The following ASTN2 variants were observed in gnomAD, a reference collection of about 807,000 sequenced individuals.
ASTN2 encodes astrotactin-2.
Under a neutral mutation model 139.8 loss-of-function variants are expected in ASTN2, and 54 were observed. That is an observed-to-expected ratio of 0.39 (90% CI 0.31 to 0.48). The LOEUF (loss-of-function observed/expected upper bound fraction) is 0.48. Ranked by LOEUF, ASTN2 falls within the 20% of genes least tolerant of loss-of-function variation. The pLI is 0.95. For missense variants in ASTN2, 1,565 were observed against 1,725.1 expected (o/e 0.91, Z 1.64); for synonymous variants, 756 against 719.5 (o/e 1.05, Z -0.81).
chr9:116,747,079 T>C (rs905290976), intron 13 of ASTN2, among the ~76,000 whole-genome samples: 1 of 152,212 alleles, frequency 6.6e-6, no homozygotes, highest in Non-Finnish European at 1.5e-5. Context: ...TCCCTAGATA[T>C]CTAGCACACA....
intron 20 of ASTN2, among the ~76,000 whole-genome samples, chr9:116,451,106 C>T (rs1848159745): frequency 6.6e-6 from 1 of 152,088 alleles, no homozygotes; most frequent in African/African-American, 2.4e-5. Flanking sequence ...GTAGGAAGGC[C>T]AAGTCTGGAA....
At chr9:117,118,128 T>C (rs904288831) in intron 4 of ASTN2, among the ~76,000 whole-genome samples, 4 of 152,324 alleles carry the variant, frequency 2.6e-5, no homozygotes, top group Admixed American at 2.0e-4. Flanking sequence ...CTATCAGTGT[T>C]GTCATGCGGG....
At chr9:117,018,867 T>G (rs76465543) in intron 6 of ASTN2, among the ~76,000 whole-genome samples, 3,966 of 152,230 alleles carry the variant, frequency 0.026, 68 homozygotes, top group Non-Finnish European at 0.038. Flanking sequence ...GGTGTTACTT[T>G]TATTCCCATT....
chr9:117,364,550 C>T (rs1488031155), intron 1 of ASTN2, among the ~76,000 whole-genome samples: 1 of 152,080 alleles, frequency 6.6e-6, no homozygotes, highest in African/African-American at 2.4e-5. Context: ...TGAGGTACCC[C>T]ACGAAAGATT....
chr9:116,425,780 C>G lies in ASTN2; in HGVS notation c.*71G>C. The G allele has an allele frequency of 6.2e-7, 1 of 1,608,244 alleles. No individual in the cohort carries two copies. Among genetic ancestry groups the G allele is most frequent in the Admixed American group, 1.7e-5 (1 of 59,790 alleles). On this transcript the variant is annotated 3_prime_UTR_variant, in exon 23 of 23. Transcript: ENST00000313400. ...AGCTGTCCCCCAGCCCACCCAGGCC[C>G]CAGGATCCAGGAGAATACTGCTCCC...
At chr9:117,200,790 C>T (rs560441532) in intron 3 of ASTN2, among the ~76,000 whole-genome samples, 10 of 152,130 alleles carry the variant, frequency 6.6e-5, no homozygotes, top group South Asian at 4.2e-4. Flanking sequence ...ATTTTTGCAT[C>T]GATGTTCATC....
At chr9:116,486,032 GTTTAA>G (rs1483546903) in intron 20 of ASTN2, among the ~76,000 whole-genome samples, 1 of 152,160 alleles carries the variant, frequency 6.6e-6, no homozygotes, top group East Asian at 1.9e-4. Flanking sequence ...GGTGTTTCTT[GTTTAA>G]TTATCACACA....
At chr9:116,434,156 C>A (rs1847578819) in intron 22 of ASTN2, among the ~76,000 whole-genome samples, 1 of 151,952 alleles carries the variant, frequency 6.6e-6, no homozygotes, top group African/African-American at 2.4e-5. Context: ...ATAAGATATA[C>A]CCATGCTTTA....
intron 2 of ASTN2, among the ~76,000 whole-genome samples, chr9:117,258,350 G>T (rs1438866288): frequency 6.6e-6 from 1 of 152,080 alleles, no homozygotes; most frequent in African/African-American, 2.4e-5. Context: ...ATTTAATGTT[G>T]CAAATTGTTA....
chr9:117,182,146 C>T (rs1021515234), intron 3 of ASTN2, among the ~76,000 whole-genome samples: 21 of 152,082 alleles, frequency 1.4e-4, no homozygotes, highest in African/African-American at 4.8e-4. Flanking sequence ...TCTCTCTCCC[C>T]TGCCCACACT....
chr9:116,518,539 C>T (rs1158457593), intron 19 of ASTN2, among the ~76,000 whole-genome samples: 1 of 152,036 alleles, frequency 6.6e-6, no homozygotes, highest in African/African-American at 2.4e-5. Flanking sequence ...CCTCAAAATA[C>T]ACCAAAATAG....
intron 1 of ASTN2, among the ~76,000 whole-genome samples, chr9:117,405,077 G>A (rs1830943521): frequency 6.6e-6 from 1 of 152,206 alleles, no homozygotes; most frequent in African/African-American, 2.4e-5. Flanking sequence ...TGCTAAGTCA[G>A]CTCCTGGCAG....
chr9:117,178,121 T>C (rs1472281323), intron 3 of ASTN2, among the ~76,000 whole-genome samples: 2 of 152,246 alleles, frequency 1.3e-5, no homozygotes, highest in Non-Finnish European at 2.9e-5. Context: ...TGATAATCTC[T>C]CTGACTTAGC....
chr9:116,609,303 T>A (rs1299190849), intron 19 of ASTN2, among the ~76,000 whole-genome samples: 7 of 63,092 alleles, frequency 1.1e-4, no homozygotes, highest in Non-Finnish European at 2.0e-4. Flanking sequence ...AGGATCTCTC[T>A]CTCTCTCTCT....
At chr9:117,193,362 G>C (rs1318671503) in intron 3 of ASTN2, among the ~76,000 whole-genome samples, 1 of 152,114 alleles carries the variant, frequency 6.6e-6, no homozygotes, top group African/African-American at 2.4e-5. Flanking sequence ...ATTTCTGGCT[G>C]GGCGTGGTGG....
intron 10 of ASTN2, among the ~76,000 whole-genome samples, chr9:116,948,785 G>GTTTTTGTTTTTTGTTTTT (rs1835471078): frequency 2.0e-5 from 1 of 49,472 alleles, no homozygotes; most frequent in Non-Finnish European, 3.4e-5. Flanking sequence ...ATAATTTGGT[G>GTTTTTGTTTTTTGTTTTT]TTTTTTTTTT....
chr9:117,255,057 A>C (rs1487314191), intron 2 of ASTN2, among the ~76,000 whole-genome samples: 1 of 152,200 alleles, frequency 6.6e-6, no homozygotes, highest in African/African-American at 2.4e-5. Context: ...AAATAATCAC[A>C]GTTCTTCTGG....
intron 4 of ASTN2, among the ~76,000 whole-genome samples, chr9:117,111,014 C>T (rs1305215391): frequency 6.6e-6 from 1 of 152,332 alleles, no homozygotes; most frequent in South Asian, 2.1e-4. Context: ...ACAGGCTCAG[C>T]TGAAGATAAT....
At chr9:116,576,317 T>C (rs1434775805) in intron 19 of ASTN2, among the ~76,000 whole-genome samples, 1 of 152,160 alleles carries the variant, frequency 6.6e-6, no homozygotes, top group Admixed American at 6.5e-5. Context: ...ATATCCCTAT[T>C]ATACATGCAA....
Sources: allele counts gnomAD v4.1 joint callset (sites outside exome capture counted in the v4.1 genomes callset), GRCh38; gene constraint gnomAD v4.1.1; transcripts MANE v1.5; gene names NCBI Gene and HGNC (gene_info 2026-07-23, HGNC 2026-07-21).